Variants in MID1 observed in about 807,000 individuals in gnomAD.
The protein encoded by MID1 is E3 ubiquitin-protein ligase Midline-1.
In MID1, 7 loss-of-function variants were observed where a neutral mutation model predicts 40.4. The ratio of observed to expected loss-of-function variants is 0.17; its 90% CI spans 0.10 to 0.33. The LOEUF (loss-of-function observed/expected upper bound fraction) is 0.33, where lower values mean the gene tolerates loss of function less well. Ranked by LOEUF, MID1 falls within the 10% of genes least tolerant of loss-of-function variation. MID1 has a pLI of 1.00. For synonymous variants in MID1, 229 were observed against 221.2 expected, an observed-to-expected ratio of 1.04 and a Z score of -0.31; for missense variants, 367 against 558.5, an observed-to-expected ratio of 0.66 and a Z score of 3.46.
intron 1 of MID1, among the ~76,000 whole-genome samples, chrX:10,696,419 A>C (rs1257725824): frequency 9.0e-6 from 1 of 111,636 alleles, no homozygotes; most frequent in Non-Finnish European, 1.9e-5. Context: ...CAAACAATGT[A>C]CTTGAATCTC....
chrX:10,684,408 C>T (rs1293872192), intron 1 of MID1, among the ~76,000 whole-genome samples: 9 of 92,337 alleles, frequency 9.7e-5, no homozygotes, highest in Admixed American at 2.4e-4. Context: ...TCTTTCTTTT[C>T]TTTTTTTTTT....
intron 3 of MID1, among the ~76,000 whole-genome samples, chrX:10,507,416 A>G (rs1281268778): frequency 8.9e-6 from 1 of 112,601 alleles, no homozygotes; most frequent in Non-Finnish European, 1.9e-5. Context: ...CCTTAAAGGC[A>G]GGCCTCATTG....
At chrX:10,643,386 T>A (rs1379261666) in intron 1 of MID1, among the ~76,000 whole-genome samples, 1 of 111,827 alleles carries the variant, frequency 8.9e-6, no homozygotes, top group Admixed American at 9.4e-5. Context: ...AAAGAAGACA[T>A]TTATGCAGCC....
rs200251008 is a variant in MID1, at chrX:10,754,309, G to GT, written c.-187+79244dup. The stretch of plus-strand genomic sequence containing the variant: ...AGAATAGACAAGAGAGTTTTTTTTT[G>GT]TTTTTTGTTTTTTGTTTTTTTTGTC... On this transcript the variant is annotated intron_variant, in intron 1 of 10. Coordinates refer to the MID1 transcript ENST00000380785. 5.4e-3 allele frequency among the ~76,000 whole-genome samples: 562 copies of GT among 104,384 alleles called. 12 individuals carry two copies. Among genetic ancestry groups the GT allele is most frequent in the African/African-American group, 0.021 (535 of 24,936 alleles). The allele number at this position is 104,384 out of a possible 115,157, so 90.6% of individuals were successfully genotyped here. A position where few individuals can be genotyped will look rare whatever the true frequency, so the allele number is the denominator to read the frequency against.
At chrX:10,698,611 A>G (rs1265961193) in intron 1 of MID1, among the ~76,000 whole-genome samples, 1 of 110,095 alleles carries the variant, frequency 9.1e-6, no homozygotes, top group African/African-American at 3.3e-5. Context: ...CACTTGTACA[A>G]TCATTTCCCC....
chrX:10,513,298 T>G (rs1278804247), intron 3 of MID1, among the ~76,000 whole-genome samples: 1 of 111,871 alleles, frequency 8.9e-6, no homozygotes, highest in African/African-American at 3.2e-5. Context: ...AAGTAAAAGG[T>G]TGGTTCAGTA....
chrX:10,666,051 T>C (rs1364201433), intron 1 of MID1, among the ~76,000 whole-genome samples: 1 of 107,207 alleles, frequency 9.3e-6, no homozygotes, highest in Non-Finnish European at 1.9e-5. Flanking sequence ...GGCTGGAAAG[T>C]GTTGAGTGAA....
intron 3 of MID1, among the ~76,000 whole-genome samples, chrX:10,500,229 A>G (rs999378917): frequency 8.9e-6 from 1 of 112,107 alleles, no homozygotes; most frequent in East Asian, 2.8e-4. Flanking sequence ...TACAGAATGG[A>G]TATGTTTGCT....
chrX:10,562,167 C>T lies in MID1; in HGVS notation c.660+4721G>A, dbSNP rs192746667. Among the ~76,000 whole-genome samples the T allele has an allele frequency of 5.3e-3, 554 of 104,659 alleles. 16 individuals are homozygous for T. The highest frequency in any genetic ancestry group is 5.9e-3 in the Non-Finnish European group (311 of 52,300). The allele number at this position is 104,659 out of a possible 115,157, so 90.9% of individuals were successfully genotyped here. A position where few individuals can be genotyped will look rare whatever the true frequency, so the allele number is the denominator to read the frequency against. The stretch of plus-strand genomic sequence containing the variant: ...ATCTCTCTCATAAGTGGAAGTTGAA[C>T]AATGAGAACACATGGACACAGGGAG... On this transcript the variant is annotated intron_variant, in intron 2 of 9. Coordinates refer to ENST00000317552, the MANE Select transcript of MID1 (RefSeq NM_000381.4).
At chrX:10,622,664 C>A (rs906755321), upstream of MID1, among the ~76,000 whole-genome samples, 9 of 111,653 alleles carry the variant, frequency 8.1e-5, no homozygotes, top group African/African-American at 2.9e-4. Context: ...AATCTGCTGG[C>A]ACCTTGATCT....
intron 1 of MID1, among the ~76,000 whole-genome samples, chrX:10,727,124 AT>A (rs1249961890): frequency 3.6e-5 from 4 of 111,474 alleles, no homozygotes; most frequent in African/African-American, 1.3e-4. Context: ...TTTTATTTTT[AT>A]TTTTTTGAGA....
intron 2 of MID1, among the ~76,000 whole-genome samples, chrX:10,542,680 CTT>C (rs748939808): frequency 9.0e-6 from 1 of 111,710 alleles, no homozygotes; most frequent in East Asian, 2.8e-4. Context: ...ACAAAGGTAT[CTT>C]TGTGCTAATC....
chrX:10,550,208 T>G (rs1933853494), intron 2 of MID1, among the ~76,000 whole-genome samples: 1 of 112,246 alleles, frequency 8.9e-6, no homozygotes, highest in African/African-American at 3.2e-5. Flanking sequence ...CTCTGCAGAC[T>G]CCCCACTTGG....
chrX:10,476,811 A>G (rs1930040407), intron 5 of MID1, among the ~76,000 whole-genome samples: 1 of 111,687 alleles, frequency 9.0e-6, no homozygotes, highest in East Asian at 2.8e-4. Flanking sequence ...ACCCTGGGGA[A>G]TTGGGCTAAT....
intron 1 of MID1, among the ~76,000 whole-genome samples, chrX:10,812,786 C>G (rs1012907074): frequency 9.0e-6 from 1 of 111,320 alleles, no homozygotes; most frequent in Admixed American, 9.6e-5. Context: ...GAAGCATGCC[C>G]AAGTCTCCAC....
At chrX:10,814,845 A>C (rs1300861222) in intron 1 of MID1, among the ~76,000 whole-genome samples, 1 of 111,793 alleles carries the variant, frequency 8.9e-6, no homozygotes, top group East Asian at 2.8e-4. Flanking sequence ...ATTCCCCTGG[A>C]GATTCATCCA....
intron 9 of MID1, among the ~76,000 whole-genome samples, chrX:10,454,545 G>A (rs935711074): frequency 1.8e-5 from 2 of 112,135 alleles, no homozygotes; most frequent in Non-Finnish European, 3.8e-5. Flanking sequence ...TAGCAGGCCA[G>A]GTTTGGCTCA....
At chrX:10,516,559 CTTGTGT>C (rs1343360886) in intron 3 of MID1, among the ~76,000 whole-genome samples, 12 of 70,989 alleles carry the variant, frequency 1.7e-4, no homozygotes, top group African/African-American at 4.6e-4. Flanking sequence ...ATACTCTGCT[CTTGTGT>C]GTGTGTGTGT....
intron 1 of MID1, among the ~76,000 whole-genome samples, chrX:10,728,708 T>C (rs1385497884): frequency 8.9e-6 from 1 of 111,896 alleles, no homozygotes; most frequent in Non-Finnish European, 1.9e-5. Flanking sequence ...AAGTCAATTT[T>C]ATTTAGCACC....
Sources: allele counts gnomAD v4.1 joint callset (sites outside exome capture counted in the v4.1 genomes callset), GRCh38; gene constraint gnomAD v4.1.1; transcripts MANE v1.5; gene names NCBI Gene and HGNC (gene_info 2026-07-23, HGNC 2026-07-21).